PSAT1: variants seen among roughly 807,000 people sequenced by gnomAD.
The protein encoded by PSAT1 is phosphoserine aminotransferase.
Under a neutral mutation model 40.3 loss-of-function variants are expected in PSAT1, and 41 were observed. That is an observed-to-expected ratio of 1.02 (90% CI 0.79 to 1.32). The LOEUF (loss-of-function observed/expected upper bound fraction) is 1.32. Ranked by LOEUF, PSAT1 falls within the 40% of genes most tolerant of loss-of-function variation. PSAT1 has a pLI of 0.00. For synonymous variants in PSAT1, 147 were observed against 170.5 expected, an observed-to-expected ratio of 0.86 and a Z score of 1.07; for missense variants, 406 against 455.8, an observed-to-expected ratio of 0.89 and a Z score of 0.99.
rs374525276 is a variant in PSAT1 at position 78,327,544 on chromosome 9, C to A, written c.870-507C>A. 2.8e-4 allele frequency among the ~76,000 whole-genome samples: 42 copies of A among 152,214 alleles called. No homozygotes were observed. In the South Asian group the frequency reaches 8.3e-3, roughly 30 times the overall value. On this transcript the variant is annotated intron_variant, in intron 7 of 8. Transcript: ENST00000376588. ...TTCAGATGAGGAAGGTGAGGCATAG[C>A]AGAGAGGTTAAGTAACTTGCTCAGG...
At chr9:78,317,422 T>C (rs1054627804) in intron 6 of PSAT1, among the ~76,000 whole-genome samples, 1 of 152,182 alleles carries the variant, frequency 6.6e-6, no homozygotes, top group African/African-American at 2.4e-5. Context: ...CCAACTAATT[T>C]TTCAATTTTT....
At chr9:78,297,627 A>G (rs966076341) in intron 1 of PSAT1, among the ~76,000 whole-genome samples, 3 of 152,168 alleles carry the variant, frequency 2.0e-5, no homozygotes, top group African/African-American at 7.2e-5. Flanking sequence ...GGCGGGGCGA[A>G]AAAGAAAAAG....
In PSAT1 at chr9:78,329,128, C is replaced by A. The variant is rs772682516; in HGVS notation, c.*42C>A. On this transcript the variant is annotated 3_prime_UTR_variant, in exon 9 of 9. Transcript: ENST00000376588. ...ATATACTCTGTTCTTGAACAACATA[C>A]AAAGTTTAAAGTAACTTGGGGATGG... 5.6e-6 allele frequency: 8 copies of A among 1,430,704 alleles called. No homozygotes were observed. The highest frequency in any genetic ancestry group is 7.9e-6 in the Non-Finnish European group (8 of 1,014,806). 88.6% of individuals were successfully genotyped at this position (1,430,704 alleles called of 1,614,324 possible). A position where few individuals can be genotyped will look rare whatever the true frequency, so the allele number is the denominator to read the frequency against.
chr9:78,308,669 T>A (rs375384058), intron 6 of PSAT1, 86 bp downstream of exon 6: 1 of 1,529,930 alleles, frequency 6.5e-7, no homozygotes, highest in Admixed American at 1.8e-5. Flanking sequence ...AAATAAAACA[T>A]GTAAGCCTGG....
intron 1 of PSAT1, 93 bp downstream of exon 1, chr9:78,297,363 C>T (rs1828041843): frequency 3.5e-6 from 5 of 1,416,346 alleles, no homozygotes; most frequent in Non-Finnish European, 4.8e-6. Flanking sequence ...GTCGGATTCC[C>T]GCTCCCTGCC....
intron 6 of PSAT1, among the ~76,000 whole-genome samples, chr9:78,312,847 T>C (rs2095872594): frequency 6.6e-6 from 1 of 152,182 alleles, no homozygotes; most frequent in Non-Finnish European, 1.5e-5. Flanking sequence ...GGGTGTGTAG[T>C]GGAGCCAGTT....
Position 78,308,458 on chromosome 9 carries a change from T to C in PSAT1, c.615T>C (p.Ala205=). 1.2e-6 allele frequency: 2 copies of C among 1,613,946 alleles called. No individual in the cohort carries two copies. The highest frequency in any genetic ancestry group is 2.2e-5 in the South Asian group (2 of 91,050). The stretch of plus-strand genomic sequence containing the variant: ...GTGCCCAGAAGAATGTTGGCTCTGC[T>C]GGGGTCACCGTGGTGATTGTCCGTG... ...FAGAQKNVGS[A]GVTVVIVRDD... The change falls in exon 6 of 9, where the codon GCT becomes GCC. Residue 205 remains alanine (A), a synonymous_variant. Transcript: ENST00000376588.
intron 7 of PSAT1, among the ~76,000 whole-genome samples, chr9:78,323,437 G>A (rs1244340462): frequency 3.3e-5 from 5 of 151,974 alleles, no homozygotes; most frequent in Non-Finnish European, 5.9e-5. Flanking sequence ...AAAATTAGCC[G>A]GGTGTGGTGG....
intron 2 of PSAT1, among the ~76,000 whole-genome samples, chr9:78,301,509 G>C (rs1433179221): frequency 6.6e-6 from 1 of 152,132 alleles, no homozygotes; most frequent in African/African-American, 2.4e-5. Flanking sequence ...AGAGACCATA[G>C]GGTTAACTAT....
At chr9:78,308,326 T>A in intron 5 of PSAT1, 88 bp from the exon 6 acceptor site, 2 of 1,457,028 alleles carry the variant, frequency 1.4e-6, no homozygotes, top group Middle Eastern at 2.4e-4. Flanking sequence ...CTTAAAAAAA[T>A]TGTGCTTCGG....
At chr9:78,306,759 C>T (rs1023670730) in intron 5 of PSAT1, among the ~76,000 whole-genome samples, 18 of 152,182 alleles carry the variant, frequency 1.2e-4, no homozygotes, top group South Asian at 6.2e-4. Flanking sequence ...TTCTTAGAAA[C>T]GTGTTTGGTC....
intron 7 of PSAT1, among the ~76,000 whole-genome samples, chr9:78,326,955 A>ATATATATATATATTTTTTTTTTTT: frequency 3.9e-5 from 3 of 75,960 alleles, no homozygotes; most frequent in African/African-American, 2.8e-4. Context: ...ATATATATAT[A>ATATATATATATATTTTTTTTTTTT]TTTTTTTTTT....
intron 2 of PSAT1, 63 bp from the exon 3 acceptor site, chr9:78,301,891 A>G (rs1044428131): frequency 2.3e-6 from 3 of 1,290,438 alleles, no homozygotes; most frequent in African/African-American, 2.9e-5. Context: ...TTTCGTAGGT[A>G]TTTCTGTTCA....
chr9:78,314,238 GCCACAGGGGC>G lies in PSAT1; in HGVS notation c.741-3437_741-3428del, dbSNP rs1447716013. ...CCACGAGGGTCCTGTGTTAAGTAGA[GCCACAGGGGC>G]TAGACATCAGTGCTCTGCAGAGGGC... On this transcript the variant is annotated intron_variant, in intron 6 of 8. Coordinates refer to ENST00000376588, the MANE Select transcript of PSAT1 (RefSeq NM_058179.4). 1.9e-3 allele frequency among the ~76,000 whole-genome samples: 257 copies of G among 135,070 alleles called. 3 individuals carry two copies. The highest frequency in any genetic ancestry group is 3.6e-3 in the Middle Eastern group (1 of 280). The allele number at this position is 135,070 out of a possible 152,430, so 88.6% of individuals were successfully genotyped here.
At chr9:78,311,839 A>C (rs572469573) in intron 6 of PSAT1, among the ~76,000 whole-genome samples, 1 of 151,998 alleles carries the variant, frequency 6.6e-6, no homozygotes, top group South Asian at 2.1e-4. Flanking sequence ...GAAAACAAAA[A>C]CAAAAACAAA....
intron 6 of PSAT1, among the ~76,000 whole-genome samples, chr9:78,310,860 G>A (rs1828257167): frequency 2.0e-5 from 3 of 152,132 alleles, no homozygotes; most frequent in South Asian, 4.2e-4. Flanking sequence ...CACCTGCCTC[G>A]GCCTCCCAGA....
At chr9:78,312,048 G>A (rs1181876684) in intron 6 of PSAT1, among the ~76,000 whole-genome samples, 1 of 133,818 alleles carries the variant, frequency 7.5e-6, no homozygotes, top group Non-Finnish European at 1.6e-5. Flanking sequence ...TTGAAAAGAC[G>A]CCTTTTTTTT....
chr9:78,309,227 CA>C (rs1472909767), intron 6 of PSAT1, among the ~76,000 whole-genome samples: 1 of 152,218 alleles, frequency 6.6e-6, no homozygotes, highest in African/African-American at 2.4e-5. Context: ...CTGTGGCCTG[CA>C]TCTCAAACAG....
intron 7 of PSAT1, among the ~76,000 whole-genome samples, chr9:78,326,956 T>TATATATATATATATATATATATATA (rs1491277712): frequency 1.7e-5 from 1 of 59,212 alleles, no homozygotes; most frequent in Non-Finnish European, 2.9e-5. Context: ...TATATATATA[T>TATATATATATATATATATATATATA]TTTTTTTTTT....
Sources: allele counts gnomAD v4.1 joint callset (sites outside exome capture counted in the v4.1 genomes callset), GRCh38; gene constraint gnomAD v4.1.1; transcripts MANE v1.5; gene names NCBI Gene and HGNC (gene_info 2026-07-23, HGNC 2026-07-21).